The following FAF1 variants were observed in gnomAD, a reference collection of about 807,000 sequenced individuals.
The protein encoded by FAF1 is Fas associated factor 1, also known as FAS-associated factor 1.
A neutral mutation model predicts 92.5 loss-of-function variants in FAF1; 25 were observed. That is an observed-to-expected ratio of 0.27 (90% CI 0.20 to 0.38). The LOEUF (loss-of-function observed/expected upper bound fraction) is 0.38. FAF1 is among the 10% of genes least tolerant of loss of function. FAF1 has a pLI of 1.00. For missense variants in FAF1, 636 were observed against 793.3 expected (o/e 0.80, Z 2.38); for synonymous variants, 234 against 273.2 (o/e 0.86, Z 1.42).
At chr1:50,703,337 T>G (rs1461636396) in intron 7 of FAF1, among the ~76,000 whole-genome samples, 3 of 152,126 alleles carry the variant, frequency 2.0e-5, no homozygotes, top group African/African-American at 7.2e-5. Context: ...CATTGTGGAT[T>G]GAATAGCTGT....
At chr1:50,448,970 T>G (rs12733213) in intron 18 of FAF1, among the ~76,000 whole-genome samples, 2 of 150,038 alleles carry the variant, frequency 1.3e-5, no homozygotes, top group African/African-American at 4.9e-5. Context: ...GTCTGTTTGG[T>G]CTTGATTAAA....
chr1:50,615,888 T>G (rs1342465988), intron 8 of FAF1, among the ~76,000 whole-genome samples: 4 of 152,194 alleles, frequency 2.6e-5, no homozygotes, highest in Admixed American at 6.5e-5. Context: ...TTTGTTTTTG[T>G]TGCAACTGTT....
At chr1:50,867,266 T>C (rs1430592979) in intron 1 of FAF1, among the ~76,000 whole-genome samples, 1 of 152,150 alleles carries the variant, frequency 6.6e-6, no homozygotes, top group African/African-American at 2.4e-5. Flanking sequence ...ATTCTTGACA[T>C]TGGCTTAGGC....
chr1:50,800,738 G>A (rs1452939086), intron 3 of FAF1, among the ~76,000 whole-genome samples: 1 of 152,174 alleles, frequency 6.6e-6, no homozygotes, highest in Non-Finnish European at 1.5e-5. Flanking sequence ...ACTTCCTGAT[G>A]TTTCTGCAAG....
At chr1:50,607,498 T>C (rs1652483018) in intron 8 of FAF1, among the ~76,000 whole-genome samples, 2 of 151,518 alleles carry the variant, frequency 1.3e-5, no homozygotes, top group South Asian at 2.1e-4. Context: ...TGTATACAGG[T>C]TTCTTTGCTC....
chr1:50,625,824 G>A (rs1241697727), intron 8 of FAF1, among the ~76,000 whole-genome samples: 2 of 152,156 alleles, frequency 1.3e-5, no homozygotes, highest in Non-Finnish European at 2.9e-5. Context: ...AAACCACTGA[G>A]AGATTTGAAG....
At chr1:50,729,602 T>C (rs530865489) in intron 6 of FAF1, among the ~76,000 whole-genome samples, 39 of 151,294 alleles carry the variant, frequency 2.6e-4, no homozygotes, top group African/African-American at 9.4e-4. Flanking sequence ...AGACAGGGTT[T>C]CACCATGTTG....
intron 3 of FAF1, among the ~76,000 whole-genome samples, chr1:50,799,812 G>A (rs1482644925): frequency 6.6e-6 from 1 of 152,074 alleles, no homozygotes; most frequent in African/African-American, 2.4e-5. Context: ...CCTTTTAACT[G>A]CCTGCATATA....
intron 4 of FAF1, among the ~76,000 whole-genome samples, chr1:50,761,569 C>T (rs1660328481): frequency 6.6e-6 from 1 of 152,136 alleles, no homozygotes; most frequent in African/African-American, 2.4e-5. Flanking sequence ...AGCATATAAA[C>T]AGAACCAAAG....
chr1:50,514,009 T>C (rs1419240038), intron 15 of FAF1, among the ~76,000 whole-genome samples: 2 of 152,250 alleles, frequency 1.3e-5, no homozygotes, highest in Admixed American at 1.3e-4. Flanking sequence ...CAGACTGTTA[T>C]GGAATGATTT....
Position 50,630,768 on chromosome 1 carries a change from A to G in FAF1, c.744+24674T>C, listed in dbSNP as rs1047481791. The stretch of plus-strand genomic sequence containing the variant: ...ATCTCTTTTTCCTCTTTTGTTTAAT[A>G]TCGTAGTCTCCCCTTATCTGTGGTT... On this transcript the variant is annotated intron_variant, in intron 8 of 18. Coordinates refer to ENST00000396153, the MANE Select transcript of FAF1 (RefSeq NM_007051.3). 2.0e-5 allele frequency among the ~76,000 whole-genome samples: 3 copies of G among 149,718 alleles called. No individual in the cohort carries two copies. In the East Asian group the frequency reaches 5.9e-4, roughly 29 times the overall value.
intron 13 of FAF1, among the ~76,000 whole-genome samples, chr1:50,552,634 T>C (rs1649366907): frequency 6.6e-6 from 1 of 152,196 alleles, no homozygotes. Flanking sequence ...AGAATGATGG[T>C]GAAGCCTTCT....
At position 50,556,864 on chromosome 1, in the gene FAF1, AAAATAAAATAAAAT is replaced by A. The variant is rs1285471892; in HGVS notation, c.1268+10199_1268+10212del. On this transcript the variant is annotated intron_variant, in intron 13 of 18. Transcript: ENST00000396153. ...AACATAAAATAAAATAATATAAAAT[AAAATAAAATAAAAT>A]AAATAAAATAAAATAGAAAATCAGT... Among the ~76,000 whole-genome samples, 8 of 151,838 alleles carry A rather than the reference AAAATAAAATAAAAT, an allele frequency of 5.3e-5. No individual in the cohort carries two copies. The East Asian group carries it at 5.8e-4, about 11-fold the overall frequency.
At chr1:50,665,623 C>G (rs114987353) in intron 7 of FAF1, among the ~76,000 whole-genome samples, 272 of 152,282 alleles carry the variant, frequency 1.8e-3, no homozygotes, top group African/African-American at 6.2e-3. Context: ...CATATTTTCT[C>G]TGGCTGTTTT....
chr1:50,867,443 A>G (rs1302323029), intron 1 of FAF1, among the ~76,000 whole-genome samples: 3 of 152,182 alleles, frequency 2.0e-5, no homozygotes, highest in Non-Finnish European at 4.4e-5. Flanking sequence ...GCATCCAACA[A>G]AGAACTAATA....
intron 2 of FAF1, among the ~76,000 whole-genome samples, chr1:50,804,224 A>T (rs997955293): frequency 6.6e-6 from 1 of 152,206 alleles, no homozygotes; most frequent in African/African-American, 2.4e-5. Context: ...TTACTATGAA[A>T]AATTCAGCTA....
chr1:50,790,570 A>G (rs962084837), intron 3 of FAF1, among the ~76,000 whole-genome samples: 2 of 151,716 alleles, frequency 1.3e-5, no homozygotes, highest in Non-Finnish European at 2.9e-5. Flanking sequence ...CTCTGACTTA[A>G]TTTATCTTAT....
intron 18 of FAF1, among the ~76,000 whole-genome samples, chr1:50,449,489 C>CTTTTT (rs373425527): frequency 1.0e-4 from 13 of 124,614 alleles, no homozygotes; most frequent in Non-Finnish European, 1.3e-4. Context: ...CTTTTTCTTT[C>CTTTTT]TTTTTTTTTT....
intron 9 of FAF1, among the ~76,000 whole-genome samples, chr1:50,589,551 G>A (rs537809953): frequency 6.6e-6 from 1 of 152,238 alleles, no homozygotes; most frequent in South Asian, 2.1e-4. Context: ...TTAGTTTTAG[G>A]AGTTCTCTAT....
Sources: allele counts gnomAD v4.1 joint callset (sites outside exome capture counted in the v4.1 genomes callset), GRCh38; gene constraint gnomAD v4.1.1; transcripts MANE v1.5; gene names NCBI Gene and HGNC (gene_info 2026-07-23, HGNC 2026-07-21).